The following SND1 variants were observed in gnomAD, a reference collection of about 807,000 sequenced individuals.
The protein encoded by SND1 is staphylococcal nuclease domain-containing protein 1.
SND1 carries 38 observed loss-of-function variants against 121.7 expected under a neutral mutation model. That is an observed-to-expected ratio of 0.31 (90% CI 0.24 to 0.41). SND1 has a LOEUF of 0.41. Ranked by LOEUF, SND1 falls within the 10% of genes least tolerant of loss-of-function variation. The pLI is 1.00. For missense variants in SND1, 868 were observed against 1,184.6 expected, an observed-to-expected ratio of 0.73 and a Z score of 3.92; for synonymous variants, 401 against 447.4, an observed-to-expected ratio of 0.90 and a Z score of 1.31.
intron 14 of SND1, among the ~76,000 whole-genome samples, chr7:127,925,886 C>T (rs757361742): frequency 1.9e-4 from 29 of 151,398 alleles, no homozygotes; most frequent in South Asian, 1.0e-3. Flanking sequence ...TGAGCCATCG[C>T]GCCCGGCCAG....
chr7:127,912,634 C>G (rs1041529939), intron 14 of SND1, among the ~76,000 whole-genome samples: 5 of 152,012 alleles, frequency 3.3e-5, no homozygotes, highest in African/African-American at 1.2e-4. Context: ...TTCTGGTTCC[C>G]TCATTAATTA....
At chr7:127,943,766 G>A (rs1277212184) in intron 15 of SND1, among the ~76,000 whole-genome samples, 4 of 152,188 alleles carry the variant, frequency 2.6e-5, no homozygotes, top group Non-Finnish European at 4.4e-5. Flanking sequence ...GATGGCACTC[G>A]GCACATTCAT....
At chr7:127,795,445 G>A (rs1347081489) in intron 10 of SND1, among the ~76,000 whole-genome samples, 7 of 151,972 alleles carry the variant, frequency 4.6e-5, no homozygotes, top group African/African-American at 7.3e-5. Flanking sequence ...TCTTTATATG[G>A]TAGTTTACTA....
At position 127,939,241 on chromosome 7, in the gene SND1, G is replaced by T. The variant is rs114500879; in HGVS notation, c.1669+9912G>T. Among the ~76,000 whole-genome samples the T allele has an allele frequency of 4.5e-3, 684 of 152,276 alleles. 7 individuals are homozygous for T. The highest frequency in any genetic ancestry group is 0.016 in the African/African-American group (652 of 41,548). On this transcript the variant is annotated intron_variant, in intron 15 of 23. Transcript: ENST00000354725. ...ATCTGAGGACCATCCTTTTAGGAAG[G>T]ACATCAGGAAACTGCAGGTGGTCAG...
chr7:127,667,513 T>C (rs1382571790), intron 1 of SND1, among the ~76,000 whole-genome samples: 1 of 152,204 alleles, frequency 6.6e-6, no homozygotes, highest in African/African-American at 2.4e-5. Flanking sequence ...ATTGTTATTA[T>C]GGCTAGTAAC....
At chr7:127,889,897 G>A (rs1799978839) in intron 13 of SND1, among the ~76,000 whole-genome samples, 1 of 152,002 alleles carries the variant, frequency 6.6e-6, no homozygotes, top group Non-Finnish European at 1.5e-5. Context: ...TTGTGTATAA[G>A]TACCACAGTT....
intron 12 of SND1, among the ~76,000 whole-genome samples, chr7:127,870,493 C>T (rs1018071365): frequency 6.6e-6 from 1 of 152,118 alleles, no homozygotes; most frequent in Non-Finnish European, 1.5e-5. Context: ...ATAGTATAGC[C>T]TACTACACAC....
intron 11 of SND1, among the ~76,000 whole-genome samples, chr7:127,820,344 A>T (rs1157514518): frequency 6.6e-6 from 1 of 152,104 alleles, no homozygotes. Flanking sequence ...GTGCTTTTTC[A>T]CATTTTTCCC....
chr7:127,766,735 G>A (rs1211395323), intron 10 of SND1, among the ~76,000 whole-genome samples: 1 of 113,166 alleles, frequency 8.8e-6, no homozygotes, highest in Admixed American at 1.4e-4. Flanking sequence ...TGGCGCCACT[G>A]CACTCCAGCC....
intron 3 of SND1, among the ~76,000 whole-genome samples, chr7:127,696,093 C>T (rs1307974490): frequency 6.6e-6 from 1 of 152,046 alleles, no homozygotes; most frequent in Non-Finnish European, 1.5e-5. Context: ...TTTAAGTTTC[C>T]TTTGATTCTT....
intron 10 of SND1, among the ~76,000 whole-genome samples, chr7:127,780,933 G>A (rs565190982): frequency 1.8e-4 from 27 of 152,130 alleles, no homozygotes; most frequent in Non-Finnish European, 3.2e-4. Flanking sequence ...TCTGAGCTAC[G>A]GAAAACTCAA....
chr7:127,936,231 G>A (rs1275858582), intron 15 of SND1, among the ~76,000 whole-genome samples: 1 of 152,070 alleles, frequency 6.6e-6, no homozygotes, highest in African/African-American at 2.4e-5. Context: ...GCCTGCTGCT[G>A]TGGCCTCCTC....
intron 12 of SND1, among the ~76,000 whole-genome samples, chr7:127,881,174 C>T (rs1280062503): frequency 6.6e-6 from 1 of 152,050 alleles, no homozygotes; most frequent in South Asian, 2.1e-4. Context: ...TCTCTGGGTC[C>T]ATTTATTCTC....
At chr7:127,804,938 T>C (rs1396202663) in intron 10 of SND1, among the ~76,000 whole-genome samples, 1 of 152,222 alleles carries the variant, frequency 6.6e-6, no homozygotes, top group East Asian at 1.9e-4. Flanking sequence ...GACACTTCTT[T>C]ATTCCTGAGG....
intron 12 of SND1, among the ~76,000 whole-genome samples, chr7:127,844,657 T>C (rs1383680875): frequency 6.6e-6 from 1 of 152,212 alleles, no homozygotes; most frequent in African/African-American, 2.4e-5. Flanking sequence ...GGGCTCTGTG[T>C]GCCTGGCACT....
intron 16 of SND1, among the ~76,000 whole-genome samples, chr7:128,039,323 C>T (rs1039333867): frequency 6.6e-6 from 1 of 151,892 alleles, no homozygotes; most frequent in African/African-American, 2.4e-5. Context: ...ATCTTGTTTC[C>T]AATACTTAGA....
chr7:127,808,100 T>C (rs1289693284), intron 11 of SND1, among the ~76,000 whole-genome samples: 4 of 151,858 alleles, frequency 2.6e-5, no homozygotes, highest in Non-Finnish European at 1.5e-5. Context: ...GTTTTTTTTT[T>C]CAGGAAGGGG....
At chr7:127,743,934 G>A (rs1196737115) in intron 10 of SND1, among the ~76,000 whole-genome samples, 2 of 152,000 alleles carry the variant, frequency 1.3e-5, no homozygotes, top group Non-Finnish European at 2.9e-5. Flanking sequence ...GTATTTTATC[G>A]ACGGGCATGT....
intron 15 of SND1, among the ~76,000 whole-genome samples, chr7:127,944,521 C>T (rs1801284139): frequency 6.6e-6 from 1 of 152,198 alleles, no homozygotes; most frequent in Admixed American, 6.5e-5. Context: ...CCTGCCTCTA[C>T]TGTCATTCCC....
Sources: gnomAD v4.1 joint callset for allele counts (sites outside exome capture counted in the v4.1 genomes callset) on GRCh38, gnomAD v4.1.1 for gene constraint, MANE v1.5 for transcripts, NCBI Gene and HGNC (gene_info 2026-07-23, HGNC 2026-07-21) for gene names.